Variants in STXBP2 observed in about 807,000 individuals in gnomAD.
STXBP2 encodes syntaxin binding protein 2.
In STXBP2, 47 loss-of-function variants were observed where a neutral mutation model predicts 72.2. The observed-to-expected ratio is 0.65, with a 90% CI of 0.51 to 0.83. STXBP2 has a LOEUF of 0.83. Among genes scored for constraint, STXBP2 ranks in the 40% least tolerant of loss-of-function variants. The probability of loss-of-function intolerance (pLI) is 0.00; values close to 1 mark genes in which losing one functional copy is unlikely to be tolerated. For missense variants in STXBP2, 702 were observed against 807.6 expected (o/e 0.87, Z 1.58); for synonymous variants, 367 against 338.7 (o/e 1.08, Z -0.92).
At chr19:7,641,039 G>A in intron 6 of STXBP2, 36 bp downstream of exon 6, 1 of 1,605,570 alleles carries the variant, frequency 6.2e-7, no homozygotes, top group Non-Finnish European at 8.5e-7. Context: ...GGGGGTGGGG[G>A]TTTGTGACCA....
chr19:7,632,299 G>T (rs1206216366), upstream of STXBP2: 3 of 1,551,758 alleles, frequency 1.9e-6, no homozygotes, highest in East Asian at 6.7e-5. This position sits in a 1 kb window ranked among gnomAD's most constrained non-coding sequence, Gnocchi z 5.2. Flanking sequence ...ACAGAGATGG[G>T]GCAGGCCCTG....
rs537825002 is a variant in STXBP2 at position 7,647,497 on chromosome 19, G to C, written c.1682G>C (p.Trp561Ser). ...YEVTRATEGK[W>S]EVLIGSSHIL... ...GTGACCAGGGCCACCGAGGGCAAGT[G>C]GGAGGTGCTCATTGGTAAGTCACCA... The change falls in exon 18 of 19, where the codon TGG becomes TCG. Residue 561 changes from tryptophan (W) to serine (S), a missense_variant. By Grantham distance (177) the Trp-to-Ser change is radical. Coordinates refer to ENST00000221283, the MANE Select transcript of STXBP2 (RefSeq NM_006949.4). 43 of 1,601,396 alleles carry C rather than the reference G, an allele frequency of 2.7e-5. No homozygotes were observed. In the South Asian group the frequency reaches 4.5e-4, roughly 17 times the overall value.
chr19:7,644,378 T>G, intron 13 of STXBP2: 1 of 568,916 alleles, frequency 1.8e-6, no homozygotes. Flanking sequence ...CTCAGGATAG[T>G]GGTGTGACCT....
chr19:7,636,491 A>G (rs1394823752), upstream of STXBP2: 1 of 151,850 alleles, frequency 6.6e-6, no homozygotes, highest in Non-Finnish European at 1.5e-5. Context: ...GGCTGTGACA[A>G]ATGCCCCCTG....
intron 1 of STXBP2, among the ~76,000 whole-genome samples, chr19:7,637,883 G>A (rs2031621251): frequency 6.6e-6 from 1 of 152,238 alleles, no homozygotes. Context: ...AGGCAGGGCG[G>A]TCTGTAGCTC....
In STXBP2 at chr19:7,642,954, TCCCTA is replaced by T. The variant is rs1315191142; in HGVS notation, c.961-24_961-20del. The T allele has an allele frequency of 3.1e-6, 5 of 1,613,646 alleles. No homozygotes were observed. Among genetic ancestry groups the T allele is most frequent in the Non-Finnish European group, 3.4e-6 (4 of 1,179,758 alleles). On this transcript the variant is annotated intron_variant, in intron 11 of 18. Coordinates refer to ENST00000221283, the MANE Select transcript of STXBP2 (RefSeq NM_006949.4). The surrounding 1 kb of genome is among the most constrained non-coding windows in gnomAD (Gnocchi z 6.0). ...GGCACTGCCTGGCTTCGCCCCCCAA[TCCCTA>T]CCCTCTTCCCCCTACTTCCCCAGGC...
Position 7,643,169 on chromosome 19 carries a change from C to T in STXBP2, c.1031C>T (p.Ser344Phe), listed in dbSNP as rs2031965702. The change falls in exon 13 of 19, where the codon TCT becomes TTT. Residue 344 changes from serine (S) to phenylalanine (F), a missense_variant. Ser to Phe is a radical substitution (Grantham distance 155). Coordinates refer to ENST00000221283, the MANE Select transcript of STXBP2 (RefSeq NM_006949.4). ...PQYQKELNKY[S>F]THLHLADDCM... ...CCCCCACCCTGCACCCTGCAGTATT[C>T]TACGCACCTGCATCTAGCAGATGAT... The T allele has an allele frequency of 3.1e-6, 5 of 1,614,016 alleles. No homozygotes were observed. Among genetic ancestry groups the T allele is most frequent in the Non-Finnish European group, 4.2e-6 (5 of 1,180,004 alleles).
chr19:7,636,834 A>G (rs1204926169), upstream of STXBP2: 4 of 309,200 alleles, frequency 1.3e-5, no homozygotes, highest in Admixed American at 1.0e-4. Context: ...CTCCCGGGGA[A>G]GATGGAGGGA....
chr19:7,632,152 G>T, upstream of STXBP2: 1 of 655,102 alleles, frequency 1.5e-6, no homozygotes, highest in Non-Finnish European at 2.5e-6. This position sits in a 1 kb window ranked among gnomAD's most constrained non-coding sequence, Gnocchi z 5.2. Flanking sequence ...GGCCTCCCCA[G>T]AACCTTCAGA....
At chr19:7,632,457 C>G, upstream of STXBP2, 1 of 1,613,800 alleles carries the variant, frequency 6.2e-7, no homozygotes. The surrounding 1 kb of genome is among the most constrained non-coding windows in gnomAD (Gnocchi z 5.2). Flanking sequence ...ATCCATGCGG[C>G]GGCCCTGGGT....
At chr19:7,634,749 T>C (rs375425057), upstream of STXBP2, among the ~76,000 whole-genome samples, 30 of 152,314 alleles carry the variant, frequency 2.0e-4, no homozygotes, top group East Asian at 4.8e-3. Context: ...GGCAGAGCTG[T>C]GCTCCCTCTG....
intron 3 of STXBP2, 148 bp from the exon 4 acceptor site, chr19:7,639,583 A>C: frequency 2.7e-6 from 2 of 736,160 alleles, no homozygotes; most frequent in Non-Finnish European, 4.8e-6. Flanking sequence ...TGTGGCTCTT[A>C]GCTGGTGGTC....
rs751621348 is a variant in STXBP2 at position 7,643,073 on chromosome 19, G to C, written c.1026+25G>C. 8.1e-6 allele frequency: 13 copies of C among 1,614,022 alleles called. No homozygotes were observed. The Admixed American group carries it at 2.2e-4, about 27-fold the overall frequency. ...GGTGTGCTCGGGTGGGCAGGGAGCG[G>C]GGACACCTCGGCCCCTCAACCCCAT... On this transcript the variant is annotated intron_variant, in intron 12 of 18. Coordinates refer to ENST00000221283, the MANE Select transcript of STXBP2 (RefSeq NM_006949.4).
At chr19:7,641,626 G>A in intron 6 of STXBP2, 79 bp from the exon 7 acceptor site, 1 of 1,539,980 alleles carries the variant, frequency 6.5e-7, no homozygotes, top group Admixed American at 2.0e-5. Context: ...CCCAGGAGGT[G>A]CAGGTGGCGG....
Position 7,647,477 on chromosome 19 carries a change from C to T in STXBP2, c.1662C>T (p.Thr554=), listed in dbSNP as rs1423929519. 17 of 1,609,148 alleles carry T rather than the reference C, an allele frequency of 1.1e-5. No individual in the cohort carries two copies. The highest frequency in any genetic ancestry group is 5.1e-5 in the Admixed American group (3 of 59,380). Reference sequence around the variant, plus strand: ...AGATGAGGGCCGCCTACGAGGTGACCAGGGCCACCGAGGGCAAGTGGGAGG... The same window carrying T: ...AGATGAGGGCCGCCTACGAGGTGACTAGGGCCACCGAGGGCAAGTGGGAGG... The part of the protein sequence containing the change: ...MSEMRAAYEV[T]RATEGKWEVL... The change falls in exon 18 of 19, where the codon ACC becomes ACT. Residue 554 remains threonine (T), a synonymous_variant. Transcript: ENST00000221283.
At chr19:7,641,513 CG>C (rs1274715992) in intron 6 of STXBP2, among the ~76,000 whole-genome samples, 191 bp from the exon 7 acceptor site, 1 of 152,114 alleles carries the variant, frequency 6.6e-6, no homozygotes, top group Non-Finnish European at 1.5e-5. Context: ...TTAAGGGACA[CG>C]GGCTGGGGTA....
At chr19:7,632,734 C>G, upstream of STXBP2, 4 of 1,561,518 alleles carry the variant, frequency 2.6e-6, no homozygotes, top group South Asian at 4.7e-5. This position sits in a 1 kb window ranked among gnomAD's most constrained non-coding sequence, Gnocchi z 5.2. Flanking sequence ...GTGGTCTGGC[C>G]CGGCCCGGCT....
chr19:7,631,895 G>A (rs1257670581), upstream of STXBP2: 2 of 1,271,932 alleles, frequency 1.6e-6, no homozygotes, highest in Non-Finnish European at 2.1e-6. Context: ...GGTGCAGGTA[G>A]CCACCGTGTC....
At position 7,640,815 on chromosome 19, in the gene STXBP2, T is replaced by C; in HGVS notation, c.325+6T>C. The C allele has an allele frequency of 6.2e-7, 1 of 1,613,996 alleles. No individual in the cohort carries two copies. Among genetic ancestry groups the C allele is most frequent in the Non-Finnish European group, 8.5e-7 (1 of 1,179,946 alleles). The stretch of plus-strand genomic sequence containing the variant: ...CCATATCTTCTTCACCGACAGTGAG[T>C]GAGGAGAGCCTAGGGTGTTGGTGGG... On this transcript the variant is annotated splice_donor_region_variant and intron_variant, in intron 5 of 18. Coordinates refer to ENST00000221283, the MANE Select transcript of STXBP2 (RefSeq NM_006949.4).
Sources: allele counts gnomAD v4.1 joint callset (sites outside exome capture counted in the v4.1 genomes callset), GRCh38; gene constraint gnomAD v4.1.1; non-coding constraint Gnocchi (gnomAD v3.1); transcripts MANE v1.5; gene names NCBI Gene and HGNC (gene_info 2026-07-23, HGNC 2026-07-21).